ELP4: variants seen among roughly 807,000 people sequenced by gnomAD.
ELP4 encodes the protein elongator acetyltransferase complex subunit 4, also known as elongator complex protein 4.
A neutral mutation model predicts 48.9 loss-of-function variants in ELP4; 51 were observed. That is an observed-to-expected ratio of 1.04 (90% confidence interval 0.83 to 1.32). The LOEUF is 1.32. Among genes scored for constraint, ELP4 ranks in the 40% most tolerant of loss-of-function variants. The pLI is 0.00. For missense variants in ELP4, 519 were observed against 514.6 expected, an observed-to-expected ratio of 1.01 and a Z score of -0.08; for synonymous variants, 210 against 189.2, an observed-to-expected ratio of 1.11 and a Z score of -0.90.
chr11:31,610,320 A>G (rs1167501289), intron 5 of ELP4, among the ~76,000 whole-genome samples: 1 of 100,708 alleles, frequency 9.9e-6, no homozygotes, highest in East Asian at 3.0e-4. Context: ...TCTGGGCCTC[A>G]TTTTTTGTTT....
At chr11:31,545,901 G>C (rs894152727) in intron 3 of ELP4, among the ~76,000 whole-genome samples, 13 of 151,970 alleles carry the variant, frequency 8.6e-5, no homozygotes, top group South Asian at 4.2e-4. Context: ...ATAAGTGAAG[G>C]AGAAATAAAA....
At chr11:31,614,170 C>T (rs1032665731) in intron 5 of ELP4, among the ~76,000 whole-genome samples, 2 of 151,966 alleles carry the variant, frequency 1.3e-5, no homozygotes, top group African/African-American at 4.8e-5. Context: ...TTAAAATAAT[C>T]GCAGAAAATA....
intron 9 of ELP4, among the ~76,000 whole-genome samples, chr11:31,697,260 T>C (rs1284389121): frequency 6.6e-6 from 1 of 152,178 alleles, no homozygotes; most frequent in African/African-American, 2.4e-5. Flanking sequence ...AGAAGAGTTA[T>C]CTCTAAGTCT....
At chr11:31,643,142 A>T (rs1565092960) in intron 7 of ELP4, among the ~76,000 whole-genome samples, 1 of 151,698 alleles carries the variant, frequency 6.6e-6, no homozygotes, top group Non-Finnish European at 1.5e-5. Context: ...ACACACAACC[A>T]CTACATCATG....
intron 3 of ELP4, among the ~76,000 whole-genome samples, chr11:31,570,945 G>A (rs1236272612): frequency 3.3e-5 from 5 of 150,666 alleles, no homozygotes; most frequent in Non-Finnish European, 5.9e-5. Context: ...GACTACAGGC[G>A]CACGCCAGCA....
intron 9 of ELP4, among the ~76,000 whole-genome samples, chr11:31,712,073 A>G (rs1047901572): frequency 6.6e-6 from 1 of 152,036 alleles, no homozygotes. Flanking sequence ...TTGCAAAGCT[A>G]TCACCAACTA....
intron 9 of ELP4, among the ~76,000 whole-genome samples, chr11:31,678,690 G>A (rs1482770034): frequency 2.6e-5 from 4 of 152,020 alleles, no homozygotes; most frequent in Non-Finnish European, 5.9e-5. Flanking sequence ...CCAAGTTTTG[G>A]CAATTATGAA....
At chr11:31,589,643 A>C (rs951308847) in intron 3 of ELP4, among the ~76,000 whole-genome samples, 7 of 152,218 alleles carry the variant, frequency 4.6e-5, no homozygotes, top group African/African-American at 1.7e-4. Context: ...AAAGATTATA[A>C]ATTGTATATA....
Position 31,632,424 on chromosome 11 carries a change from T to A in ELP4, c.927+19T>A. 1 of 1,580,702 alleles carries A rather than the reference T, an allele frequency of 6.3e-7. No homozygotes were observed. The highest frequency in any genetic ancestry group is 8.6e-7 in the Non-Finnish European group (1 of 1,162,246). On this transcript the variant is annotated intron_variant, in intron 7 of 9. Coordinates refer to ENST00000640961, the MANE Select transcript of ELP4 (RefSeq NM_019040.5). ...GATCCAGGTACGAAATTTCCAGAAC[T>A]ACTTTTTCATAATTCATAGTAATAT...
chr11:31,563,213 T>C (rs542951790), intron 3 of ELP4, among the ~76,000 whole-genome samples: 2 of 152,334 alleles, frequency 1.3e-5, no homozygotes, highest in South Asian at 2.1e-4. Flanking sequence ...AGCTCAGTAG[T>C]ACTTCTGCTG....
rs1358187240 is a variant in ELP4 at position 31,786,175 on chromosome 11, A to G, written c.*2651A>G. On this transcript the variant is annotated 3_prime_UTR_variant, in exon 10 of 10. Coordinates refer to ENST00000640961, the MANE Select transcript of ELP4 (RefSeq NM_019040.5). ...TACTAACAGTAGACAAAATAAAACT[A>G]CTTTAGAAGGAAGCGACACTCTGCA... 2 of 203,898 alleles carry G rather than the reference A, an allele frequency of 9.8e-6. No individual in the cohort carries two copies. Among genetic ancestry groups the G allele is most frequent in the Non-Finnish European group, 2.0e-5 (2 of 99,562 alleles). The allele number at this position is 203,898 out of a possible 1,614,324, so 12.6% of individuals were successfully genotyped here.
At chr11:31,519,338 A>G (rs1246701054) in intron 1 of ELP4, among the ~76,000 whole-genome samples, 1 of 152,144 alleles carries the variant, frequency 6.6e-6, no homozygotes, top group Non-Finnish European at 1.5e-5. Context: ...TTAATGTGGA[A>G]TTTCTATAAT....
intron 9 of ELP4, chr11:31,714,543 T>G (rs1946802485): frequency 5.0e-6 from 2 of 397,628 alleles, no homozygotes; most frequent in East Asian, 7.1e-5. Context: ...ATTTACATGC[T>G]GTACCAGTTT....
intron 7 of ELP4, among the ~76,000 whole-genome samples, chr11:31,641,574 G>A (rs1211446190): frequency 6.6e-6 from 1 of 151,746 alleles, no homozygotes; most frequent in African/African-American, 2.4e-5. Flanking sequence ...TGAAAGGGGG[G>A]CACCTTACAT....
chr11:31,752,109 A>C (rs1947734284), intron 9 of ELP4, among the ~76,000 whole-genome samples: 1 of 152,182 alleles, frequency 6.6e-6, no homozygotes, highest in Admixed American at 6.5e-5. Flanking sequence ...TAGAAAAAAA[A>C]TTCTAAATAG....
chr11:31,691,806 A>G (rs1036520284), intron 9 of ELP4, among the ~76,000 whole-genome samples: 2 of 152,152 alleles, frequency 1.3e-5, no homozygotes, highest in Admixed American at 6.6e-5. Flanking sequence ...ACTTTTCCTA[A>G]TTAGATATCC....
At chr11:31,712,275 A>C (rs532780636) in intron 9 of ELP4, among the ~76,000 whole-genome samples, 2 of 152,120 alleles carry the variant, frequency 1.3e-5, no homozygotes, top group Non-Finnish European at 2.9e-5. Flanking sequence ...AAATTCAATG[A>C]TAATACTCTG....
intron 9 of ELP4, among the ~76,000 whole-genome samples, chr11:31,678,902 C>T (rs955476821): frequency 6.6e-6 from 1 of 152,174 alleles, no homozygotes; most frequent in Non-Finnish European, 1.5e-5. Flanking sequence ...TGTTGCTCCA[C>T]ATCCTTGTCA....
chr11:31,669,863 C>G (rs1288454897), intron 9 of ELP4, among the ~76,000 whole-genome samples: 1 of 152,162 alleles, frequency 6.6e-6, no homozygotes, highest in Non-Finnish European at 1.5e-5. Context: ...TAGATTTTCC[C>G]TAATTACCAA....
Sources: allele counts gnomAD v4.1 joint callset (sites outside exome capture counted in the v4.1 genomes callset), GRCh38; gene constraint gnomAD v4.1.1; transcripts MANE v1.5; gene names NCBI Gene and HGNC (gene_info 2026-07-23, HGNC 2026-07-21).